The following OC90 variants were observed in gnomAD, a reference collection of about 807,000 sequenced individuals.
The protein encoded by OC90 is otoconin 90, also known as otoconin-90.
Under a neutral mutation model 47.3 loss-of-function variants are expected in OC90, and 46 were observed. The ratio of observed to expected loss-of-function variants is 0.97; its 90% CI spans 0.77 to 1.24. The LOEUF (loss-of-function observed/expected upper bound fraction) is 1.24, where lower values mean the gene tolerates loss of function less well. Ranked by LOEUF, OC90 falls within the 50% of genes most tolerant of loss-of-function variation. The pLI, the probability that OC90 is intolerant of heterozygous loss-of-function variation, is 0.00. For synonymous variants in OC90, 271 were observed against 219.5 expected (o/e 1.23, Z -2.07); for missense variants, 688 against 583.9 (o/e 1.18, Z -1.84).
In OC90 at chr8:132,024,779, T is replaced by C; in HGVS notation, c.1139-3A>G. On this transcript the variant is annotated splice_region_variant and splice_polypyrimidine_tract_variant and intron_variant, in intron 13 of 13. Transcript: ENST00000254627. ...CTCACACAGGCTTTGGCCCCCACCT[T>C]AGAAGGAAAGAGCAGAGTAGAAGCC... The C allele has an allele frequency of 1.2e-6, 2 of 1,609,622 alleles. No homozygotes were observed. The highest frequency in any genetic ancestry group is 3.3e-5 in the Admixed American group (2 of 59,782).
Position 132,044,481 on chromosome 8 carries a change from A to G in OC90, c.121T>C (p.Phe41Leu), listed in dbSNP as rs1180402792. Residue 41 changes from phenylalanine to leucine, a missense_variant, in exon 4 of 14, where the codon TTC becomes CTC. Physicochemically the swap from Phe to Leu is conservative, Grantham distance 22. Transcript: ENST00000254627. ...ACATTTTTAAACATCCCACTGAAGA[A>G]AGTGATATCTAAGTGTAAGAAAGAA... ...PGLPNNINITFFSGMFKNVES... is the reference protein window; with the variant it reads ...PGLPNNINITLFSGMFKNVES... 4 of 1,546,300 alleles carry G rather than the reference A, an allele frequency of 2.6e-6. No homozygotes were observed. Among genetic ancestry groups the G allele is most frequent in the Admixed American group, 1.9e-5 (1 of 53,426 alleles).
chr8:132,037,580 G>T (rs952903818), intron 8 of OC90, 92 bp from the exon 9 acceptor site: 19 of 1,103,228 alleles, frequency 1.7e-5, no homozygotes, highest in Non-Finnish European at 2.6e-5. Context: ...CTGGTTGCTG[G>T]CCCAAGGGAG....
chr8:132,048,464 T>C (rs746363115), intron 2 of OC90, among the ~76,000 whole-genome samples: 1 of 146,890 alleles, frequency 6.8e-6, no homozygotes, highest in South Asian at 2.1e-4. Flanking sequence ...CCCACCGTGG[T>C]CCCCCAAATA....
chr8:132,029,053 G>T lies in OC90; in HGVS notation c.1138+20C>A. 6.4e-7 allele frequency: 1 copy of T among 1,550,484 alleles called. No individual in the cohort carries two copies. Among genetic ancestry groups the T allele is most frequent in the Non-Finnish European group, 8.9e-7 (1 of 1,121,728 alleles). On this transcript the variant is annotated intron_variant, in intron 13 of 13. Transcript: ENST00000254627. ...GACCTCAATGAAATAATAACTCAATGTGCAACCAACAGCACTTACACTTGG... is the reference window on the plus strand; with the variant it reads ...GACCTCAATGAAATAATAACTCAATTTGCAACCAACAGCACTTACACTTGG...
intron 4 of OC90, among the ~76,000 whole-genome samples, chr8:132,042,961 A>G (rs1284666990): frequency 6.6e-6 from 1 of 152,248 alleles, no homozygotes; most frequent in Admixed American, 6.5e-5. Context: ...AGACACATGC[A>G]TCTGTATGTT....
chr8:132,030,888 A>G (rs1363842400), intron 12 of OC90, among the ~76,000 whole-genome samples: 5 of 152,238 alleles, frequency 3.3e-5, no homozygotes, highest in Non-Finnish European at 7.3e-5. Context: ...GACATACTCC[A>G]TATTCCTGCC....
chr8:132,040,552 C>A (rs753763474), intron 6 of OC90, among the ~76,000 whole-genome samples: 1 of 152,166 alleles, frequency 6.6e-6, no homozygotes, highest in Non-Finnish European at 1.5e-5. Context: ...CAACCACCAC[C>A]GCACGCCTTA....
At chr8:132,035,995 T>C (rs986374398) in intron 9 of OC90, among the ~76,000 whole-genome samples, 1 of 152,246 alleles carries the variant, frequency 6.6e-6, no homozygotes, top group African/African-American at 2.4e-5. Context: ...CATTGATTTA[T>C]GCTTATTAAT....
At position 132,024,338 on chromosome 8, in the gene OC90, G is replaced by C; in HGVS notation, c.*143C>G. 1.5e-6 allele frequency: 1 copy of C among 653,770 alleles called. No homozygotes were observed. The highest frequency in any genetic ancestry group is 2.5e-6 in the Non-Finnish European group (1 of 396,432). 40.5% of individuals were successfully genotyped at this position (653,770 alleles called of 1,614,324 possible). ...ACCACAGCTGATGAGGCATGGGCAGGGCTCACGGCCTCTGTTCCCTCCCCG... is the reference window on the plus strand; with the variant it reads ...ACCACAGCTGATGAGGCATGGGCAGCGCTCACGGCCTCTGTTCCCTCCCCG... On this transcript the variant is annotated 3_prime_UTR_variant, in exon 14 of 14. Coordinates refer to ENST00000254627, the MANE Select transcript of OC90 (RefSeq NM_001080399.3).
At position 132,041,022 on chromosome 8, in the gene OC90, TGG is replaced by T. The variant is rs1352064247; in HGVS notation, c.457+20_457+21del. ...ACTGTCATTTCTGGGCCCAGGCCCC[TGG>T]GACACCTGGAGATGCTTACCACATA... On this transcript the variant is annotated intron_variant, in intron 6 of 13. Transcript: ENST00000254627. The T allele has an allele frequency of 7.0e-7, 1 of 1,431,600 alleles. No individual in the cohort carries two copies. The highest frequency in any genetic ancestry group is 1.1e-5 in the South Asian group (1 of 87,462). The allele number at this position is 1,431,600 out of a possible 1,614,324, so 88.7% of individuals were successfully genotyped here.
chr8:132,033,170 A>G lies in OC90; in HGVS notation c.734-6T>C. The G allele has an allele frequency of 6.2e-7, 1 of 1,603,262 alleles. No homozygotes were observed. The highest frequency in any genetic ancestry group is 1.1e-5 in the South Asian group (1 of 88,680). ...TGCAACTATCTCTGCAGATCCTGAA[A>G]ATGAAAAACTTCATGATTCGGATTC... On this transcript the variant is annotated splice_polypyrimidine_tract_variant and splice_region_variant and intron_variant, in intron 10 of 13. Coordinates refer to ENST00000254627, the MANE Select transcript of OC90 (RefSeq NM_001080399.3).
At position 132,031,993 on chromosome 8, in the gene OC90, GTGGCATCACCTGCATGT is replaced by G; in HGVS notation, c.902_918del (p.Asn301ThrfsTer18). On this transcript the variant is annotated frameshift_variant, in exon 12 of 14. Transcript: ENST00000254627. LOFTEE classifies it high-confidence loss of function. ...AGACAAAAGAGCATCTCTCCAAGCT[GTGGCATCACCTGCATGT>G]TGTCCCCACTTCCCAGGTGCAGGAA... 1 of 1,613,980 alleles carries G rather than the reference GTGGCATCACCTGCATGT, an allele frequency of 6.2e-7. No homozygotes were observed. Among genetic ancestry groups the G allele is most frequent in the Non-Finnish European group, 8.5e-7 (1 of 1,179,836 alleles).
At chr8:132,049,895 A>G (rs1226181087) in intron 2 of OC90, 1 of 502,362 alleles carries the variant, frequency 2.0e-6, no homozygotes, top group Admixed American at 1.9e-5. Context: ...ACGTGTGCCA[A>G]TTCCATTATT....
At chr8:132,052,163 C>T (rs562687002) in intron 2 of OC90, among the ~76,000 whole-genome samples, 1 of 152,178 alleles carries the variant, frequency 6.6e-6, no homozygotes, top group Non-Finnish European at 1.5e-5. Context: ...GAATGGTTCC[C>T]ATGAACAGGG....
rs376573604 is a variant in OC90 at position 132,024,616 on chromosome 8, G to T, written c.1299C>A (p.Pro433=). 1 of 1,613,346 alleles carries T rather than the reference G, an allele frequency of 6.2e-7. No homozygotes were observed. The highest frequency in any genetic ancestry group is 8.5e-7 in the Non-Finnish European group (1 of 1,179,732). Residue 433 remains proline, a synonymous_variant, in exon 14 of 14, where the codon CCC becomes CCA. Coordinates refer to ENST00000254627, the MANE Select transcript of OC90 (RefSeq NM_001080399.3). ...AACEDSLHPV[P]AAPTLGSSSE... ...AGCTGGAGCCCAGGGTGGGGGCTGCGGGCACAGGGTGCAGGCTGTCTTCAC... is the reference window on the plus strand; with the variant it reads ...AGCTGGAGCCCAGGGTGGGGGCTGCTGGCACAGGGTGCAGGCTGTCTTCAC...
chr8:132,033,909 C>G (rs997602337), intron 10 of OC90, among the ~76,000 whole-genome samples: 2 of 152,344 alleles, frequency 1.3e-5, no homozygotes, highest in East Asian at 3.9e-4. Flanking sequence ...TGGGTAAGGT[C>G]TGGCATATTT....
At position 132,024,485 on chromosome 8, in the gene OC90, C is replaced by A. The variant is rs1822723845; in HGVS notation, c.1430G>T (p.Arg477Ile). The change falls in exon 14 of 14, where the codon AGA becomes ATA. Residue 477 changes from arginine to isoleucine, a missense_variant. Coordinates refer to ENST00000254627, the MANE Select transcript of OC90 (RefSeq NM_001080399.3). ...TTAGCCATTTTCTCTGGGCATCTAT[C>A]TTCCATGAAGAGGCCCGATCCCCAA... ...GPLGIGPLHG[R>I] The A allele has an allele frequency of 6.5e-7, 1 of 1,538,626 alleles. No individual in the cohort carries two copies. Among genetic ancestry groups the A allele is most frequent in the Non-Finnish European group, 8.8e-7 (1 of 1,142,500 alleles).
intron 9 of OC90, chr8:132,036,462 G>A: frequency 1.3e-6 from 1 of 779,234 alleles, no homozygotes; most frequent in South Asian, 1.3e-5. Context: ...GTTCAGCTAG[G>A]TGCCAAAGCC....
chr8:132,028,542 GAAA>G (rs1372933853), intron 13 of OC90, among the ~76,000 whole-genome samples: 395 of 15,396 alleles, frequency 0.026, 10 homozygotes, highest in African/African-American at 0.049. Context: ...AAGAAAGAAA[GAAA>G]GAAAGAAAGA....
Sources: allele counts gnomAD v4.1 joint callset (sites outside exome capture counted in the v4.1 genomes callset), GRCh38; gene constraint gnomAD v4.1.1; transcripts MANE v1.5; gene names NCBI Gene and HGNC (gene_info 2026-07-23, HGNC 2026-07-21).